Variants in GFRA2 observed in about 807,000 individuals in gnomAD.
The protein encoded by GFRA2 is GDNF family receptor alpha 2.
In GFRA2, 17 loss-of-function variants were observed where a neutral mutation model predicts 48.3. That is an observed-to-expected ratio of 0.35 (90% CI 0.24 to 0.53). The LOEUF (loss-of-function observed/expected upper bound fraction) is 0.53. Ranked by LOEUF, GFRA2 falls within the 20% of genes least tolerant of loss-of-function variation. The pLI is 0.93. For missense variants in GFRA2, 660 were observed against 637.3 expected (o/e 1.04, Z -0.38); for synonymous variants, 305 against 257.2 (o/e 1.19, Z -1.78).
At chr8:21,805,062 T>G (rs920961354) in exon 2 of GFRA2, 3 of 152,268 alleles carry the variant, frequency 2.0e-5, no homozygotes, top group Non-Finnish European at 4.4e-5. Context: ...CAACAGCAGT[T>G]GTCTCCGGGT....
At chr8:21,723,720 G>A (rs1450623363) in intron 4 of GFRA2, among the ~76,000 whole-genome samples, 3 of 152,176 alleles carry the variant, frequency 2.0e-5, no homozygotes, top group African/African-American at 7.2e-5. Flanking sequence ...GCAGCAAGAG[G>A]GAGGTCGCCA....
chr8:21,723,669 G>C (rs28673758), intron 4 of GFRA2, among the ~76,000 whole-genome samples: 1 of 152,010 alleles, frequency 6.6e-6, no homozygotes, highest in Non-Finnish European at 1.5e-5. Flanking sequence ...CCACCCCGCA[G>C]GGTCCACTGG....
At chr8:21,737,323 C>T (rs551410542) in intron 4 of GFRA2, among the ~76,000 whole-genome samples, 38 of 152,010 alleles carry the variant, frequency 2.5e-4, no homozygotes, top group African/African-American at 8.9e-4. Flanking sequence ...CAGCCAAGAT[C>T]ACGCCATTGC....
chr8:21,759,543 A>AAGGAAGGAAGGAAGGG lies in GFRA2; in HGVS notation c.440-8602_440-8601insCCCTTCCTTCCTTCCT, dbSNP rs879376871. 1.0e-3 allele frequency among the ~76,000 whole-genome samples: 150 copies of AAGGAAGGAAGGAAGGG among 147,382 alleles called. 4 individuals are homozygous for AAGGAAGGAAGGAAGGG. The highest frequency in any genetic ancestry group is 3.4e-3 in the Middle Eastern group (1 of 292). On this transcript the variant is annotated intron_variant, in intron 3 of 8. Transcript: ENST00000524240. ...GAAGGAAGGAAGGAAGGAAGGAAGG[A>AAGGAAGGAAGGAAGGG]GGGAAGGAAGGAAGGAAAGAAATTT...
At chr8:21,763,997 A>G (rs1184823809) in intron 3 of GFRA2, among the ~76,000 whole-genome samples, 2 of 116,908 alleles carry the variant, frequency 1.7e-5, no homozygotes, top group South Asian at 2.7e-4. Flanking sequence ...ACACACACAC[A>G]CACACACACA....
intron 1 of GFRA2, among the ~76,000 whole-genome samples, chr8:21,787,582 C>G (rs1807345322): frequency 2.6e-5 from 4 of 152,134 alleles, no homozygotes; most frequent in African/African-American, 9.7e-5. Flanking sequence ...CCAGGCGCGG[C>G]TGGCAGGTGG....
chr8:21,794,959 A>G (rs886461541), intron 2 of GFRA2, among the ~76,000 whole-genome samples: 2 of 152,230 alleles, frequency 1.3e-5, no homozygotes, highest in African/African-American at 4.8e-5. Context: ...GATTTCAGTC[A>G]ATGTTCTCAG....
chr8:21,811,510 A>G (rs1378694641), intron 1 of GFRA2, among the ~76,000 whole-genome samples: 2 of 152,162 alleles, frequency 1.3e-5, no homozygotes, highest in Non-Finnish European at 2.9e-5. Context: ...CAGGAACCCA[A>G]GGGTCTGGTG....
At chr8:21,800,449 G>A (rs1040573884) in intron 2 of GFRA2, among the ~76,000 whole-genome samples, 91 of 152,332 alleles carry the variant, frequency 6.0e-4, no homozygotes, top group African/African-American at 1.8e-3. Flanking sequence ...GATGCAATGC[G>A]TTAGGCATCA....
chr8:21,784,927 T>A (rs1183849098), intron 1 of GFRA2, among the ~76,000 whole-genome samples: 23 of 151,986 alleles, frequency 1.5e-4, no homozygotes, highest in African/African-American at 5.6e-4. Context: ...CAAGAGCAGC[T>A]GAGTTGACAC....
intron 7 of GFRA2, among the ~76,000 whole-genome samples, chr8:21,698,242 G>C (rs1425068477): frequency 1.3e-5 from 2 of 152,222 alleles, no homozygotes; most frequent in Non-Finnish European, 2.9e-5. Context: ...ACTGTGGGAA[G>C]AGCTGACCCC....
At chr8:21,715,457 C>T (rs937486258) in intron 4 of GFRA2, among the ~76,000 whole-genome samples, 2 of 152,192 alleles carry the variant, frequency 1.3e-5, no homozygotes, top group Non-Finnish European at 1.5e-5. Context: ...TATAGGCACG[C>T]ACCACCACGC....
chr8:21,776,035 G>C (rs1806684717), intron 2 of GFRA2, among the ~76,000 whole-genome samples: 1 of 137,140 alleles, frequency 7.3e-6, no homozygotes, highest in Non-Finnish European at 1.6e-5. Context: ...GTGTGTGTGT[G>C]TGTGTAGTGA....
chr8:21,716,306 A>G (rs997090835), intron 4 of GFRA2, among the ~76,000 whole-genome samples: 58 of 81,594 alleles, frequency 7.1e-4, no homozygotes, highest in African/African-American at 2.4e-3. Flanking sequence ...CTGGGAAACA[A>G]AGAAAAAAAA....
intron 4 of GFRA2, among the ~76,000 whole-genome samples, chr8:21,712,285 G>A (rs1290669495): frequency 5.6e-5 from 8 of 143,476 alleles, no homozygotes; most frequent in African/African-American, 2.6e-5. Context: ...TCCTCACTTC[G>A]CAGACAGGGC....
At chr8:21,805,191 A>G (rs1807837664) in intron 1 of GFRA2, 1 of 152,348 alleles carries the variant, frequency 6.6e-6, no homozygotes, top group African/African-American at 2.4e-5. Flanking sequence ...TCATGTTTTA[A>G]GTTCCTACCT....
At chr8:21,732,104 T>C (rs566567018) in intron 4 of GFRA2, among the ~76,000 whole-genome samples, 1 of 152,334 alleles carries the variant, frequency 6.6e-6, no homozygotes, top group South Asian at 2.1e-4. Flanking sequence ...GGCCAAGAGC[T>C]CCTGGCGTCA....
intron 4 of GFRA2, among the ~76,000 whole-genome samples, chr8:21,736,674 G>A (rs1001821253): frequency 6.6e-6 from 1 of 151,726 alleles, no homozygotes; most frequent in Non-Finnish European, 1.5e-5. Flanking sequence ...TTTTTCCTTT[G>A]TATTTTTAAT....
Position 21,694,077 on chromosome 8 carries a change from T to TATATATATATATATATATATATA in GFRA2, c.1272+386_1272+387insTATATATATATATATATATATAT, listed in dbSNP as rs1338101835. Among the ~76,000 whole-genome samples, 1,034 of 109,022 alleles carry TATATATATATATATATATATATA rather than the reference T, an allele frequency of 9.5e-3. 105 individuals are homozygous for TATATATATATATATATATATATA. The highest frequency in any genetic ancestry group is 0.016 in the Non-Finnish European group (800 of 49,998). 71.5% of individuals were successfully genotyped at this position (109,022 alleles called of 152,430 possible). A position where few individuals can be genotyped will look rare whatever the true frequency, so the allele number is the denominator to read the frequency against. On this transcript the variant is annotated intron_variant, in intron 8 of 8. Transcript: ENST00000524240. ...TATTTATATATATATTTATTTATTT[T>TATATATATATATATATATATATA]TATATATATATATATTTCCTATAGT...
Sources: gnomAD v4.1 joint callset for allele counts (sites outside exome capture counted in the v4.1 genomes callset) on GRCh38, gnomAD v4.1.1 for gene constraint, MANE v1.5 for transcripts, NCBI Gene and HGNC (gene_info 2026-07-23, HGNC 2026-07-21) for gene names.